NCOA2: variants seen among roughly 807,000 people sequenced by gnomAD.
NCOA2 encodes the protein nuclear receptor coactivator 2.
NCOA2 carries 21 observed loss-of-function variants against 145.1 expected under a neutral mutation model. The ratio of observed to expected loss-of-function variants is 0.14; its 90% CI spans 0.10 to 0.21. The LOEUF (loss-of-function observed/expected upper bound fraction) is 0.21, where lower values mean the gene tolerates loss of function less well. Among genes scored for constraint, NCOA2 ranks in the 10% least tolerant of loss-of-function variants. The pLI, the probability that NCOA2 is intolerant of heterozygous loss-of-function variation, is 1.00. For synonymous variants in NCOA2, 619 were observed against 637.5 expected, an observed-to-expected ratio of 0.97 and a Z score of 0.44; for missense variants, 1,472 against 1,837.6, an observed-to-expected ratio of 0.80 and a Z score of 3.64.
intron 2 of NCOA2, among the ~76,000 whole-genome samples, chr8:70,238,367 C>T (rs1821836981): frequency 6.6e-6 from 1 of 152,142 alleles, no homozygotes; most frequent in Admixed American, 6.5e-5. Flanking sequence ...TTATTTGATT[C>T]TCAGAGCTCC....
chr8:70,239,007 G>A (rs550251130), intron 2 of NCOA2, among the ~76,000 whole-genome samples: 1 of 152,102 alleles, frequency 6.6e-6, no homozygotes, highest in African/African-American at 2.4e-5. Flanking sequence ...CTCTTACTTT[G>A]GTGTGTTCTG....
intron 2 of NCOA2, among the ~76,000 whole-genome samples, chr8:70,268,558 A>G (rs1302568097): frequency 1.3e-5 from 2 of 152,164 alleles, no homozygotes; most frequent in East Asian, 3.8e-4. Context: ...AAATTTAGGT[A>G]ATTACTATAT....
intron 2 of NCOA2, chr8:70,245,252 C>G (rs947143352): frequency 6.6e-6 from 1 of 151,948 alleles, no homozygotes; most frequent in Non-Finnish European, 1.5e-5. Context: ...TTGTTTCTAA[C>G]GATAGCTGAC....
At chr8:70,382,245 C>A (rs1226166929) in intron 1 of NCOA2, among the ~76,000 whole-genome samples, 1 of 151,994 alleles carries the variant, frequency 6.6e-6, no homozygotes, top group African/African-American at 2.4e-5. Context: ...AAGGCTTCTT[C>A]TAAGAAAAGT....
chr8:70,125,421 C>A (rs905909166), intron 19 of NCOA2, among the ~76,000 whole-genome samples: 2 of 152,026 alleles, frequency 1.3e-5, no homozygotes, highest in African/African-American at 4.8e-5. Flanking sequence ...ACGACCATGC[C>A]CAGCTAATTT....
intron 13 of NCOA2, among the ~76,000 whole-genome samples, chr8:70,143,127 T>A (rs994328323): frequency 6.6e-6 from 1 of 152,144 alleles, no homozygotes; most frequent in Non-Finnish European, 1.5e-5. Context: ...TTTTTGTATT[T>A]TTAGTGGAGA....
intron 22 of NCOA2, among the ~76,000 whole-genome samples, chr8:70,120,100 C>T (rs1807627619): frequency 8.5e-5 from 13 of 152,126 alleles, no homozygotes. Flanking sequence ...AAACTTTGCC[C>T]ACTTTTTAAT....
chr8:70,314,495 T>C (rs1289547580), intron 1 of NCOA2, among the ~76,000 whole-genome samples: 1 of 152,108 alleles, frequency 6.6e-6, no homozygotes, highest in Non-Finnish European at 1.5e-5. Flanking sequence ...AGTGCCTAAA[T>C]TCCATGATGT....
chr8:70,170,660 T>C (rs754579343), intron 5 of NCOA2, among the ~76,000 whole-genome samples: 14 of 152,302 alleles, frequency 9.2e-5, no homozygotes, highest in African/African-American at 2.6e-4. Flanking sequence ...AGGAGATAAT[T>C]ACCGTGAAGT....
chr8:70,150,543 C>T (rs968015031), intron 11 of NCOA2, among the ~76,000 whole-genome samples: 6 of 152,210 alleles, frequency 3.9e-5, no homozygotes, highest in Admixed American at 2.6e-4. Flanking sequence ...CACTCCACTA[C>T]GGCAGGTATT....
chr8:70,121,218 C>A, intron 22 of NCOA2, 84 bp downstream of exon 22: 2 of 1,106,634 alleles, frequency 1.8e-6, no homozygotes, highest in South Asian at 2.7e-5. Flanking sequence ...TACTGGTTGA[C>A]AATATATCTA....
At chr8:70,399,610 G>A (rs923147925) in intron 1 of NCOA2, among the ~76,000 whole-genome samples, 4 of 152,102 alleles carry the variant, frequency 2.6e-5, no homozygotes, top group East Asian at 1.9e-4. Context: ...AACTACATAC[G>A]CAAAATACTA....
At chr8:70,184,297 CA>C (rs923129857) in intron 4 of NCOA2, among the ~76,000 whole-genome samples, 1 of 152,034 alleles carries the variant, frequency 6.6e-6, no homozygotes, top group African/African-American at 2.4e-5. Flanking sequence ...ACCTACTTTA[CA>C]AAAAAAGTGA....
chr8:70,295,566 A>G (rs1353135945), intron 2 of NCOA2, among the ~76,000 whole-genome samples: 3 of 152,214 alleles, frequency 2.0e-5, no homozygotes, highest in Non-Finnish European at 4.4e-5. Context: ...GATACACAAA[A>G]TATCTAATAC....
At position 70,216,705 on chromosome 8, in the gene NCOA2, G is replaced by C; in HGVS notation, c.41C>G (p.Ala14Gly). ...MGENTSDPSR[A>G]ETRKRKECPD... is the part of the protein sequence containing the mutation. ...ACATTCCTTGCGCTTTCTTGTCTCT[G>C]CCCTGGAGGGGTCAGAGGTATTTTC... Residue 14 changes from alanine (A) to glycine (G), a missense_variant, in exon 3 of 23, where the codon GCA becomes GGA. By Grantham distance (60) the Ala-to-Gly change is moderately conservative. Transcript: ENST00000452400. 6.2e-7 allele frequency: 1 copy of C among 1,613,762 alleles called. No homozygotes were observed. Among genetic ancestry groups the C allele is most frequent in the Non-Finnish European group, 8.5e-7 (1 of 1,179,706 alleles).
At chr8:70,323,476 ATC>A (rs1288920412) in intron 1 of NCOA2, among the ~76,000 whole-genome samples, 1 of 152,200 alleles carries the variant, frequency 6.6e-6, no homozygotes, top group African/African-American at 2.4e-5. Flanking sequence ...AAGCAGATTT[ATC>A]TGAGGTAGGA....
At chr8:70,312,790 CAACTTGGAATAGAG>C (rs1263922174) in intron 1 of NCOA2, among the ~76,000 whole-genome samples, 1 of 151,912 alleles carries the variant, frequency 6.6e-6, no homozygotes, top group Non-Finnish European at 1.5e-5. Context: ...TAATCAACAG[CAACTTGGAATAGAG>C]AACTATGGTA....
At chr8:70,183,718 C>T (rs1373618462) in intron 4 of NCOA2, among the ~76,000 whole-genome samples, 3 of 152,186 alleles carry the variant, frequency 2.0e-5, no homozygotes, top group African/African-American at 7.2e-5. Flanking sequence ...CGAAGTTAGG[C>T]CCCTGCCGCC....
chr8:70,112,616 C>G lies in NCOA2; in HGVS notation c.*1016G>C, dbSNP rs954170721. 4.9e-6 allele frequency: 1 copy of G among 202,566 alleles called. No individual in the cohort carries two copies. Among genetic ancestry groups the G allele is most frequent in the Non-Finnish European group, 1.0e-5 (1 of 98,720 alleles). The allele number at this position is 202,566 out of a possible 1,614,324, so 12.5% of individuals were successfully genotyped here. ...TAGCTCGATTGGTATCAAGCCTTAA[C>G]TTTGCTCTTCTCCTTGCCAGTAAAT... On this transcript the variant is annotated 3_prime_UTR_variant, in exon 23 of 23. Transcript: ENST00000452400.
Sources: allele counts gnomAD v4.1 joint callset (sites outside exome capture counted in the v4.1 genomes callset), GRCh38; gene constraint gnomAD v4.1.1; transcripts MANE v1.5; gene names NCBI Gene and HGNC (gene_info 2026-07-23, HGNC 2026-07-21).